The following PACRG variants were observed in gnomAD, a reference collection of about 807,000 sequenced individuals.
The protein encoded by PACRG is parkin coregulated gene protein.
A neutral mutation model predicts 29.7 loss-of-function variants in PACRG; 29 were observed. The observed-to-expected ratio is 0.98, with a 90% CI of 0.73 to 1.33. PACRG has a LOEUF of 1.33. Among genes scored for constraint, PACRG ranks in the 40% most tolerant of loss-of-function variants. The probability of loss-of-function intolerance (pLI) is 0.00; values close to 1 mark genes in which losing one functional copy is unlikely to be tolerated. For synonymous variants in PACRG, 116 were observed against 118.7 expected, an observed-to-expected ratio of 0.98 and a Z score of 0.15; for missense variants, 279 against 316.2, an observed-to-expected ratio of 0.88 and a Z score of 0.89.
At chr6:163,000,111 A>G (rs1325821837) in intron 2 of PACRG, among the ~76,000 whole-genome samples, 2 of 152,148 alleles carry the variant, frequency 1.3e-5, no homozygotes, top group African/African-American at 2.4e-5. Context: ...GTCCTGGGTT[A>G]CACATCCGAG....
intron 2 of PACRG, among the ~76,000 whole-genome samples, chr6:162,979,314 A>G (rs1425541449): frequency 6.6e-6 from 1 of 152,060 alleles, no homozygotes; most frequent in Non-Finnish European, 1.5e-5. Context: ...CCTGATGGCC[A>G]TTTGTATGTC....
intron 2 of PACRG, among the ~76,000 whole-genome samples, chr6:162,964,112 C>A (rs909027649): frequency 1.5e-4 from 23 of 152,106 alleles, no homozygotes; most frequent in Admixed American, 1.3e-3. Flanking sequence ...GAATACAACA[C>A]CGTGAAAGCA....
chr6:163,105,708 C>A (rs1815343538), intron 4 of PACRG, among the ~76,000 whole-genome samples: 1 of 152,084 alleles, frequency 6.6e-6, no homozygotes, highest in Non-Finnish European at 1.5e-5. Flanking sequence ...TTTTAGAATT[C>A]TATTATCAAA....
chr6:162,854,510 C>T (rs1434660136), intron 2 of PACRG, among the ~76,000 whole-genome samples: 1 of 152,138 alleles, frequency 6.6e-6, no homozygotes, highest in Non-Finnish European at 1.5e-5. Context: ...AATTAAAAAG[C>T]AAGCATTACA....
chr6:163,116,327 G>A (rs1009602820), intron 4 of PACRG, among the ~76,000 whole-genome samples: 11 of 152,248 alleles, frequency 7.2e-5, no homozygotes, highest in Non-Finnish European at 1.2e-4. Flanking sequence ...ATACACTATC[G>A]TGAGGACAGT....
At chr6:163,010,797 G>A (rs1045492278) in intron 2 of PACRG, among the ~76,000 whole-genome samples, 2 of 152,212 alleles carry the variant, frequency 1.3e-5, no homozygotes, top group African/African-American at 2.4e-5. Flanking sequence ...GGATATAAAG[G>A]TGTGTTCTCC....
At chr6:162,806,920 TCTGTTGTTTA>T (rs1195369204) in intron 1 of PACRG, among the ~76,000 whole-genome samples, 2 of 152,224 alleles carry the variant, frequency 1.3e-5, no homozygotes, top group Non-Finnish European at 2.9e-5. Context: ...ACATTAAAAA[TCTGTTGTTTA>T]CTGTAGCCAC....
In PACRG at chr6:163,248,856, A is replaced by C. The variant is rs1361656221; in HGVS notation, c.614-65971A>C. 5.3e-5 allele frequency among the ~76,000 whole-genome samples: 8 copies of C among 152,142 alleles called. No homozygotes were observed. The South Asian group carries it at 1.7e-3, about 32-fold the overall frequency. ...GGTGAAACCCCGTTTCTACTAAAAA[A>C]AATACAAACAATTAGCTGGGCATGG... On this transcript the variant is annotated intron_variant, in intron 4 of 4. Coordinates refer to ENST00000366888, the MANE Select transcript of PACRG (RefSeq NM_001080379.2).
At chr6:162,804,336 T>A (rs938519829) in intron 1 of PACRG, among the ~76,000 whole-genome samples, 2 of 152,166 alleles carry the variant, frequency 1.3e-5, no homozygotes, top group Non-Finnish European at 2.9e-5. Context: ...CCCCGAATAA[T>A]CCTTTAGATT....
At chr6:162,954,908 T>A (rs148768603) in intron 2 of PACRG, among the ~76,000 whole-genome samples, 8 of 152,344 alleles carry the variant, frequency 5.3e-5, no homozygotes, top group Middle Eastern at 6.8e-3. Context: ...TAGCCTGATA[T>A]TAGTAGCTGA....
intron 2 of PACRG, among the ~76,000 whole-genome samples, chr6:162,984,496 C>G (rs1371143735): frequency 6.6e-6 from 1 of 151,978 alleles, no homozygotes; most frequent in African/African-American, 2.4e-5. Context: ...GTGCAAGTAT[C>G]TTTTTTGTAT....
At chr6:163,171,150 A>G (rs1475311985) in intron 4 of PACRG, among the ~76,000 whole-genome samples, 2 of 152,252 alleles carry the variant, frequency 1.3e-5, no homozygotes, top group Non-Finnish European at 2.9e-5. Context: ...TTATGAATCC[A>G]TTCAATGACA....
chr6:163,230,447 C>T (rs537764989), intron 4 of PACRG, among the ~76,000 whole-genome samples: 1 of 152,270 alleles, frequency 6.6e-6, no homozygotes, highest in Admixed American at 6.5e-5. Flanking sequence ...CAGAATTAGA[C>T]TTCCCTTTCC....
chr6:163,187,331 G>A (rs2128358320), intron 4 of PACRG, among the ~76,000 whole-genome samples: 1 of 152,208 alleles, frequency 6.6e-6, no homozygotes, highest in Non-Finnish European at 1.5e-5. Context: ...ACCCACGCCA[G>A]TCAGTGCACC....
intron 2 of PACRG, among the ~76,000 whole-genome samples, chr6:162,922,340 C>T (rs2128095469): frequency 6.6e-6 from 1 of 150,766 alleles, no homozygotes; most frequent in East Asian, 1.9e-4. Flanking sequence ...CCCTCCTGCT[C>T]ATGTCTAGCT....
intron 2 of PACRG, among the ~76,000 whole-genome samples, chr6:162,833,463 T>C (rs1403091803): frequency 6.6e-6 from 1 of 152,226 alleles, no homozygotes; most frequent in Non-Finnish European, 1.5e-5. Context: ...TTTCTGGAAT[T>C]GGAGCATTGT....
At chr6:162,999,620 A>G (rs1804401490) in intron 2 of PACRG, among the ~76,000 whole-genome samples, 1 of 152,240 alleles carries the variant, frequency 6.6e-6, no homozygotes, top group Non-Finnish European at 1.5e-5. Flanking sequence ...TTAGTGACAC[A>G]TAGAATTCCT....
chr6:162,771,076 T>G (rs1345802001), intron 1 of PACRG, among the ~76,000 whole-genome samples: 2 of 152,178 alleles, frequency 1.3e-5, no homozygotes, highest in African/African-American at 2.4e-5. Flanking sequence ...ATTCTTAATA[T>G]TCATAGAATA....
At chr6:162,775,718 T>C (rs1018239853) in intron 1 of PACRG, among the ~76,000 whole-genome samples, 2 of 152,244 alleles carry the variant, frequency 1.3e-5, no homozygotes, top group Non-Finnish European at 2.9e-5. Flanking sequence ...CTGAATCATT[T>C]TGAAGCAGAT....
Sources: gnomAD v4.1 joint callset for allele counts (sites outside exome capture counted in the v4.1 genomes callset) on GRCh38, gnomAD v4.1.1 for gene constraint, MANE v1.5 for transcripts, NCBI Gene and HGNC (gene_info 2026-07-23, HGNC 2026-07-21) for gene names.